The following ANKS1B variants were observed in gnomAD, a reference collection of about 807,000 sequenced individuals.
The protein encoded by ANKS1B is ankyrin repeat and sterile alpha motif domain-containing protein 1B.
ANKS1B carries 36 observed loss-of-function variants against 148.3 expected under a neutral mutation model. The observed-to-expected ratio is 0.24, with a 90% CI of 0.19 to 0.32. The LOEUF (loss-of-function observed/expected upper bound fraction) is 0.32. Ranked by LOEUF, ANKS1B falls within the 10% of genes least tolerant of loss-of-function variation. The probability of loss-of-function intolerance (pLI) is 1.00; values close to 1 mark genes in which losing one functional copy is unlikely to be tolerated. For missense variants in ANKS1B, 1,157 were observed against 1,542.6 expected, an observed-to-expected ratio of 0.75 and a Z score of 4.19; for synonymous variants, 542 against 560.8, an observed-to-expected ratio of 0.97 and a Z score of 0.47.
chr12:99,195,656 G>A (rs1422284898), intron 14 of ANKS1B, among the ~76,000 whole-genome samples: 1 of 152,002 alleles, frequency 6.6e-6, no homozygotes, highest in Non-Finnish European at 1.5e-5. Flanking sequence ...GAAACAGGAT[G>A]CCACATCTAA....
At chr12:99,898,797 C>T (rs2153762469) in intron 1 of ANKS1B, among the ~76,000 whole-genome samples, 1 of 152,260 alleles carries the variant, frequency 6.6e-6, no homozygotes, top group African/African-American at 2.4e-5. Flanking sequence ...TTTTTCATAA[C>T]ATTTCAGAGC....
At chr12:98,899,981 C>A (rs1244296611) in intron 17 of ANKS1B, among the ~76,000 whole-genome samples, 6 of 152,102 alleles carry the variant, frequency 3.9e-5, no homozygotes, top group Admixed American at 2.0e-4. Context: ...AGTAAAATTT[C>A]CAGGAAAACA....
intron 25 of ANKS1B, among the ~76,000 whole-genome samples, chr12:98,757,505 G>A (rs549459300): frequency 1.2e-4 from 19 of 152,326 alleles, no homozygotes; most frequent in African/African-American, 4.6e-4. Flanking sequence ...ATGAGCCCAG[G>A]AGCTGTGATG....
At chr12:99,462,511 C>T (rs1213521462) in intron 10 of ANKS1B, among the ~76,000 whole-genome samples, 2 of 152,136 alleles carry the variant, frequency 1.3e-5, no homozygotes, top group East Asian at 3.9e-4. Flanking sequence ...TGTATGCTAA[C>T]CTACATCTCA....
intron 8 of ANKS1B, among the ~76,000 whole-genome samples, chr12:99,741,281 A>T (rs2060086637): frequency 6.6e-6 from 1 of 151,638 alleles, no homozygotes; most frequent in African/African-American, 2.4e-5. Context: ...GATATGGAGA[A>T]ATAGGAAAGC....
intron 12 of ANKS1B, among the ~76,000 whole-genome samples, chr12:99,250,526 G>A (rs998779420): frequency 6.6e-6 from 1 of 152,226 alleles, no homozygotes; most frequent in Non-Finnish European, 1.5e-5. Flanking sequence ...CCACCTATGT[G>A]AGTGAGGGCA....
intron 14 of ANKS1B, among the ~76,000 whole-genome samples, chr12:99,189,627 T>G (rs2080366885): frequency 6.6e-6 from 1 of 152,154 alleles, no homozygotes; most frequent in South Asian, 2.1e-4. Context: ...GAAAAGGCCT[T>G]CAACAAAATT....
intron 8 of ANKS1B, among the ~76,000 whole-genome samples, chr12:99,715,670 C>T (rs1298416591): frequency 1.3e-5 from 2 of 152,138 alleles, no homozygotes; most frequent in Non-Finnish European, 2.9e-5. Context: ...CTCTTTGCTC[C>T]GTGAAAAAGA....
intron 8 of ANKS1B, among the ~76,000 whole-genome samples, chr12:99,761,010 T>A (rs1242972143): frequency 8.3e-6 from 1 of 121,194 alleles, no homozygotes; most frequent in East Asian, 2.3e-4. Context: ...ATTGAAACCC[T>A]GAATAGACCA....
intron 10 of ANKS1B, among the ~76,000 whole-genome samples, chr12:99,465,358 T>C (rs1254652445): frequency 1.3e-5 from 2 of 151,938 alleles, no homozygotes; most frequent in African/African-American, 4.8e-5. Context: ...GTAAAGACCA[T>C]CGAGGCTAGG....
chr12:98,795,101 C>CT (rs2098935984), intron 22 of ANKS1B: 1 of 559,856 alleles, frequency 1.8e-6, no homozygotes, highest in Non-Finnish European at 3.2e-6. Flanking sequence ...TTTTTCCTAC[C>CT]TTGCCATCTA....
At chr12:98,849,648 TAAA>T (rs1014286440) in intron 17 of ANKS1B, among the ~76,000 whole-genome samples, 1 of 152,214 alleles carries the variant, frequency 6.6e-6, no homozygotes, top group African/African-American at 2.4e-5. Flanking sequence ...AGGAACTTAA[TAAA>T]ATATAAGTTT....
rs553872982 is a variant in ANKS1B at position 99,805,263 on chromosome 12, C to A, written c.669+1141G>T. ...AAATAACCATGAAAGGAGGAAAAGGCAAAAAAAAAAAAAAAAAAAAAAAAA... is the reference window on the plus strand; with the variant it reads ...AAATAACCATGAAAGGAGGAAAAGGAAAAAAAAAAAAAAAAAAAAAAAAAA... On this transcript the variant is annotated intron_variant, in intron 4 of 26. Coordinates refer to ENST00000683438, the MANE Select transcript of ANKS1B (RefSeq NM_001352186.2). Among the ~76,000 whole-genome samples, 140 of 28,902 alleles carry A rather than the reference C, an allele frequency of 4.8e-3. 4 individuals carry two copies. Among genetic ancestry groups the A allele is most frequent in the African/African-American group, 0.013 (86 of 6,870 alleles). 19.0% of individuals were successfully genotyped at this position (28,902 alleles called of 152,430 possible).
chr12:99,963,469 T>C lies in ANKS1B; in HGVS notation c.134+20635A>G, dbSNP rs994357409. Reference sequence around the variant, plus strand: ...AGGGAAGGAGAGCAGGAACTGGTAATAGTGCCTGCTGTTTATTTTTTCTTA... The same window carrying C: ...AGGGAAGGAGAGCAGGAACTGGTAACAGTGCCTGCTGTTTATTTTTTCTTA... On this transcript the variant is annotated intron_variant, in intron 1 of 26. Coordinates refer to ENST00000683438, the MANE Select transcript of ANKS1B (RefSeq NM_001352186.2). Among the ~76,000 whole-genome samples the C allele has an allele frequency of 2.0e-5, 3 of 152,358 alleles. No individual in the cohort carries two copies. In the East Asian group the frequency reaches 5.8e-4, roughly 29 times the overall value.
intron 1 of ANKS1B, among the ~76,000 whole-genome samples, chr12:99,908,645 T>G (rs1031430301): frequency 2.0e-5 from 3 of 152,168 alleles, no homozygotes; most frequent in Non-Finnish European, 4.4e-5. Context: ...CTTTAAGTTA[T>G]TAAGAAGCCA....
At chr12:99,378,065 C>A (rs984650960) in intron 12 of ANKS1B, among the ~76,000 whole-genome samples, 5 of 152,156 alleles carry the variant, frequency 3.3e-5, no homozygotes, top group African/African-American at 1.2e-4. Context: ...ACTATAAGAT[C>A]ATTTGTGAAG....
chr12:99,705,019 C>T (rs1160549517), intron 8 of ANKS1B, among the ~76,000 whole-genome samples: 1 of 151,928 alleles, frequency 6.6e-6, no homozygotes, highest in Non-Finnish European at 1.5e-5. Flanking sequence ...AGAACTGGAT[C>T]CAAAGCTAGC....
intron 5 of ANKS1B, 146 bp from the exon 6 acceptor site, chr12:99,780,118 TAC>T (rs778634617): frequency 7.2e-4 from 440 of 614,580 alleles, no homozygotes; most frequent in Middle Eastern, 4.6e-3. Context: ...CACACACACA[TAC>T]ACACACACAT....
chr12:99,135,139 A>G (rs1348048122), intron 15 of ANKS1B, among the ~76,000 whole-genome samples: 1 of 152,200 alleles, frequency 6.6e-6, no homozygotes, highest in Non-Finnish European at 1.5e-5. Flanking sequence ...AGGAATAGAG[A>G]AAAAGAGCCT....
Sources: gnomAD v4.1 joint callset for allele counts (sites outside exome capture counted in the v4.1 genomes callset) on GRCh38, gnomAD v4.1.1 for gene constraint, MANE v1.5 for transcripts, NCBI Gene and HGNC (gene_info 2026-07-23, HGNC 2026-07-21) for gene names.